Variants in USP6 observed in about 807,000 individuals in gnomAD.
The protein encoded by USP6 is ubiquitin specific peptidase 6, also known as ubiquitin carboxyl-terminal hydrolase 6.
Under a neutral mutation model 175.7 loss-of-function variants are expected in USP6, and 128 were observed. The ratio of observed to expected loss-of-function variants is 0.73; its 90% CI spans 0.63 to 0.84. The LOEUF (loss-of-function observed/expected upper bound fraction) is 0.84, where lower values mean the gene tolerates loss of function less well. USP6 is among the 40% of genes least tolerant of loss of function. USP6 has a pLI of 0.00. For synonymous variants in USP6, 562 were observed against 630.6 expected (o/e 0.89, Z 1.63); for missense variants, 1,498 against 1,760.3 (o/e 0.85, Z 2.67).
At chr17:5,153,760 A>T (rs568214700) in intron 30 of USP6, among the ~76,000 whole-genome samples, 44 of 151,722 alleles carry the variant, frequency 2.9e-4, no homozygotes, top group African/African-American at 1.0e-3. Flanking sequence ...GGTTCAAGTG[A>T]TTCTCCTGCC....
Position 5,145,423 on chromosome 17 carries a change from A to G in USP6, c.2011A>G (p.Arg671Gly). Reference sequence around the variant, plus strand: ...TTGCTAGGCCTGGGACAACCATCTAAGAAGAAATAGATCAATTATTGTGGA... The same window carrying G: ...TTGCTAGGCCTGGGACAACCATCTAGGAAGAAATAGATCAATTATTGTGGA... The part of the protein sequence containing the change: ...VAAEAWDNHL[R>G]RNRSIIVDLF... The change falls in exon 27 of 38, where the codon AGA (arginine) becomes GGA (glycine). Residue 671 changes from arginine to glycine, a missense_variant. Transcript: ENST00000574788. 6.2e-7 allele frequency: 1 copy of G among 1,608,654 alleles called. No homozygotes were observed. The highest frequency in any genetic ancestry group is 8.5e-7 in the Non-Finnish European group (1 of 1,178,120).
intron 30 of USP6, among the ~76,000 whole-genome samples, chr17:5,154,522 A>G (rs200689164): frequency 1.3e-5 from 2 of 152,162 alleles, no homozygotes; most frequent in East Asian, 1.9e-4. Flanking sequence ...TTTTTACCTT[A>G]CTTTTATCCT....
rs760602163 is a variant in USP6 at position 5,141,470 on chromosome 17, C to G, written c.1544C>G (p.Ala515Gly). The change falls in exon 23 of 38, where the codon GCA becomes GGA. Residue 515 changes from alanine (A) to glycine (G), a missense_variant. This residue lies in a region of USP6 where 1,217 missense variants were observed against 1,500.8 expected (regional missense o/e 0.81). Coordinates refer to ENST00000574788, the MANE Select transcript of USP6 (RefSeq NM_001304284.2). ...TGGCCTGAGGAGATGTCTTTTACAG[C>G]AAATAGTAGTAAAATAGATAGACAA... Reference protein sequence around the residue: ...MSWPEEMSFTANSSKIDRQKV... With the variant: ...MSWPEEMSFTGNSSKIDRQKV... 6.2e-7 allele frequency: 1 copy of G among 1,608,078 alleles called. No homozygotes were observed. The highest frequency in any genetic ancestry group is 8.5e-7 in the Non-Finnish European group (1 of 1,177,658).
intron 30 of USP6, among the ~76,000 whole-genome samples, chr17:5,149,509 C>T (rs1191231753): frequency 5.3e-5 from 8 of 152,128 alleles, no homozygotes; most frequent in Admixed American, 3.9e-4. Context: ...CTATGATGCT[C>T]ACACCTGTAA....
At chr17:5,130,775 A>C (rs1283953384) in intron 11 of USP6, 91 bp downstream of exon 11, 1 of 1,512,602 alleles carries the variant, frequency 6.6e-7, no homozygotes, top group East Asian at 2.3e-5. Flanking sequence ...CTGATGCAGG[A>C]CATGTCTCGC....
intron 4 of USP6, among the ~76,000 whole-genome samples, chr17:5,122,316 T>C (rs2072701505): frequency 6.6e-6 from 1 of 152,064 alleles, no homozygotes; most frequent in Non-Finnish European, 1.5e-5. Flanking sequence ...CTGGTTCCGA[T>C]GACTGTGTGA....
At chr17:5,142,603 C>G in intron 25 of USP6, 101 bp downstream of exon 25, 1 of 1,445,668 alleles carries the variant, frequency 6.9e-7, no homozygotes, top group Non-Finnish European at 9.2e-7. Flanking sequence ...GCTTAATGAA[C>G]GTTTTTGGAT....
chr17:5,134,369 G>C, intron 15 of USP6: 1 of 268,442 alleles, frequency 3.7e-6, no homozygotes, highest in South Asian at 5.2e-5. Flanking sequence ...GGGAGAATTA[G>C]GGGTCCTGGA....
At chr17:5,159,992 C>G (rs1290527706) in intron 31 of USP6, among the ~76,000 whole-genome samples, 2 of 150,692 alleles carry the variant, frequency 1.3e-5, no homozygotes, top group African/African-American at 2.4e-5. Context: ...TGGAAAAAGT[C>G]TGCAGGGGGA....
chr17:5,140,969 A>G (rs2073427926), intron 22 of USP6, among the ~76,000 whole-genome samples: 2 of 152,216 alleles, frequency 1.3e-5, no homozygotes, highest in South Asian at 4.1e-4. Flanking sequence ...TTTAAGAGAT[A>G]AAGTCTCACT....
chr17:5,145,288 G>C, intron 26 of USP6, 117 bp from the exon 27 acceptor site: 2 of 1,256,524 alleles, frequency 1.6e-6, no homozygotes, highest in African/African-American at 1.6e-5. Context: ...TAAATGAAGA[G>C]TAAGGATTAT....
intron 6 of USP6, among the ~76,000 whole-genome samples, 156 bp from the exon 7 acceptor site, chr17:5,127,348 G>A (rs545086410): frequency 6.6e-6 from 1 of 152,356 alleles, no homozygotes; most frequent in African/African-American, 2.4e-5. Flanking sequence ...GTGGCTGCTG[G>A]AGAGGCTGGG....
intron 30 of USP6, 28 bp downstream of exon 30, chr17:5,148,795 C>T: frequency 6.2e-7 from 1 of 1,606,180 alleles, no homozygotes; most frequent in Non-Finnish European, 8.5e-7. Context: ...CAACTCACTG[C>T]CAGTCTTGCT....
rs926375170 is a variant in USP6 at position 5,118,259 on chromosome 17, C to G, written c.-1868C>G. 6.6e-6 allele frequency: 1 copy of G among 152,538 alleles called. No homozygotes were observed. Among genetic ancestry groups the G allele is most frequent in the Non-Finnish European group, 1.5e-5 (1 of 68,206 alleles). 9.4% of individuals were successfully genotyped at this position (152,538 alleles called of 1,614,324 possible). On this transcript the variant is annotated 5_prime_UTR_variant, in exon 2 of 38. Transcript: ENST00000574788. ...ACAGGGGTGCCCTGTTTACTCAGCC[C>G]ACTGTGCTCAACCTCTTGCAGGAGT...
chr17:5,125,078 C>T lies in USP6; in HGVS notation c.-786C>T, dbSNP rs1288154717. The T allele has an allele frequency of 3.9e-5, 6 of 152,404 alleles. No homozygotes were observed. In the East Asian group the frequency reaches 7.7e-4, roughly 20 times the overall value. 9.4% of individuals were successfully genotyped at this position (152,404 alleles called of 1,614,324 possible). ...CGCATTACCGCATGAGCTCTGCCTC[C>T]TGTCAGATGAGCGGTGCCGTTAGAT... On this transcript the variant is annotated 5_prime_UTR_variant, in exon 5 of 38. Transcript: ENST00000574788.
chr17:5,147,245 C>G (rs774533838), intron 29 of USP6, 51 bp downstream of exon 29: 108 of 1,518,154 alleles, frequency 7.1e-5, no homozygotes, highest in Admixed American at 7.9e-5. Context: ...AAATATTTGT[C>G]TAAGAGTTGT....
At chr17:5,161,404 G>A (rs1326413771) in intron 31 of USP6, 124 bp from the exon 32 acceptor site, 8 of 938,060 alleles carry the variant, frequency 8.5e-6, no homozygotes, top group African/African-American at 3.3e-5. Context: ...ACATTGAGCT[G>A]TCAACATGAG....
chr17:5,125,678 G>GCACGCACA (rs1555589162), intron 5 of USP6, 143 bp from the exon 6 acceptor site: 2 of 137,590 alleles, frequency 1.5e-5, no homozygotes, highest in Non-Finnish European at 3.1e-5. Context: ...ACACGCACAT[G>GCACGCACA]CACACACACA....
rs532265304 is a variant in USP6, at chr17:5,161,501, C to A, written c.2829-27C>A. ...GACCTCGAACCAGAAATGCTTCTTA[C>A]ACTCTTTTTGTTCTCTTCTGTTTCA... On this transcript the variant is annotated intron_variant, in intron 31 of 37. Transcript: ENST00000574788. 9 of 1,610,024 alleles carry A rather than the reference C, an allele frequency of 5.6e-6. No individual in the cohort carries two copies. In the East Asian group the frequency reaches 2.0e-4, roughly 36 times the overall value.
Sources: gnomAD v4.1 joint callset for allele counts (sites outside exome capture counted in the v4.1 genomes callset) on GRCh38, gnomAD v4.1.1 for gene constraint, gnomAD v4.1.1 regional missense constraint, MANE v1.5 for transcripts, NCBI Gene and HGNC (gene_info 2026-07-23, HGNC 2026-07-21) for gene names.